Variants in MPRIP observed in about 807,000 individuals in gnomAD.
The protein encoded by MPRIP is myosin phosphatase Rho interacting protein, also known as myosin phosphatase Rho-interacting protein.
MPRIP carries 59 observed loss-of-function variants against 234.9 expected under a neutral mutation model. The ratio of observed to expected loss-of-function variants is 0.25; its 90% CI spans 0.20 to 0.31. The LOEUF (loss-of-function observed/expected upper bound fraction) is 0.31. MPRIP is among the 10% of genes least tolerant of loss of function. MPRIP has a pLI of 1.00. For synonymous variants in MPRIP, 1,144 were observed against 1,263.9 expected (o/e 0.91, Z 2.01); for missense variants, 2,436 against 3,071.0 (o/e 0.79, Z 4.89).
At chr17:17,089,370 C>G (rs954270103) in intron 3 of MPRIP, among the ~76,000 whole-genome samples, 1 of 152,220 alleles carries the variant, frequency 6.6e-6, no homozygotes, top group Admixed American at 6.5e-5. Flanking sequence ...CTTCCTGTCA[C>G]CACTACAGTC....
At chr17:17,171,612 C>A (rs2144666073) in intron 16 of MPRIP, 106 bp from the exon 17 acceptor site, 4 of 1,417,476 alleles carry the variant, frequency 2.8e-6, no homozygotes, top group South Asian at 1.4e-5. Flanking sequence ...AATGCCCAGT[C>A]ACAGCTGGGC....
At position 17,165,978 on chromosome 17, in the gene MPRIP, G is replaced by C. The variant is rs2045984961; in HGVS notation, c.4387G>C (p.Gly1463Arg). Residue 1463 changes from glycine (G) to arginine (R), a missense_variant, in exon 16 of 24, where the codon GGA (glycine) becomes CGA (arginine). Gly to Arg is a moderately radical substitution (Grantham distance 125, BLOSUM62 -2). Coordinates refer to ENST00000651222, the MANE Select transcript of MPRIP (RefSeq NM_001364716.4). ...GGCCAGGAGGGTTGAAGGGCATGTT[G>C]GAGAGCTTGGGGACTTCCAGGTCAA... ...ERARRVEGHV[G>R]ELGDFQVKNS... 2 of 1,304,334 alleles carry C rather than the reference G, an allele frequency of 1.5e-6. No individual in the cohort carries two copies. The highest frequency in any genetic ancestry group is 2.0e-6 in the Non-Finnish European group (2 of 988,944). 80.8% of individuals were successfully genotyped at this position (1,304,334 alleles called of 1,614,324 possible).
intron 3 of MPRIP, among the ~76,000 whole-genome samples, chr17:17,114,911 G>C (rs1366113324): frequency 6.6e-6 from 1 of 152,196 alleles, no homozygotes; most frequent in African/African-American, 2.4e-5. Context: ...AAGTGAAAAA[G>C]GTCCTTGTTT....
chr17:17,158,721 C>T lies in MPRIP; in HGVS notation c.2119C>T (p.Arg707Trp), dbSNP rs780945846. Residue 707 changes from arginine (R) to tryptophan (W), a missense_variant, in exon 14 of 24, where the codon CGG becomes TGG. This residue lies in a region of MPRIP where 1,998 missense variants were observed against 2,520.3 expected (regional missense o/e 0.79). Coordinates refer to ENST00000651222, the MANE Select transcript of MPRIP (RefSeq NM_001364716.4). ...GCTGGAGCGGGAGCGTGCACGGAGGCGGGAGGAGCGCCGCAAGCGCTTCGG... is the reference window on the plus strand; with the variant it reads ...GCTGGAGCGGGAGCGTGCACGGAGGTGGGAGGAGCGCCGCAAGCGCTTCGG... Reference protein sequence around the residue: ...GELERERARRREERRKRFGML... With the variant: ...GELERERARRWEERRKRFGML... The T allele has an allele frequency of 4.3e-6, 7 of 1,610,320 alleles. No homozygotes were observed. Among genetic ancestry groups the T allele is most frequent in the Admixed American group, 1.7e-5 (1 of 59,970 alleles).
Position 17,142,284 on chromosome 17 carries a change from C to T in MPRIP, c.1251-343C>T, listed in dbSNP as rs544333112. 4.2e-4 allele frequency: 98 copies of T among 235,850 alleles called. 2 individuals carry two copies. The South Asian group carries it at 6.6e-3, about 16-fold the overall frequency. 14.6% of individuals were successfully genotyped at this position (235,850 alleles called of 1,614,324 possible). On this transcript the variant is annotated intron_variant, in intron 7 of 23. Transcript: ENST00000651222. ...ATGAGGGATGCAATGAGAATGGAGG[C>T]TGCCTTCCGTGGTGGTGGTTGCCTT...
chr17:17,161,265 C>T lies in MPRIP; in HGVS notation c.2426C>T (p.Ser809Leu). The T allele has an allele frequency of 6.2e-7, 1 of 1,603,088 alleles. No individual in the cohort carries two copies. Among genetic ancestry groups the T allele is most frequent in the South Asian group, 1.1e-5 (1 of 90,068 alleles). ...KELEQSQKEASDLLEQNRLLQ... is the reference protein window; with the variant it reads ...KELEQSQKEALDLLEQNRLLQ... ...CTGGAGCAGAGCCAGAAGGAGGCCTCAGACCTTCTGGAGCAGAACCGGCTC... is the reference window on the plus strand; with the variant it reads ...CTGGAGCAGAGCCAGAAGGAGGCCTTAGACCTTCTGGAGCAGAACCGGCTC... Residue 809 changes from serine (S) to leucine (L), a missense_variant, in exon 15 of 24, where the codon TCA (serine) becomes TTA (leucine). Ser to Leu is a moderately radical substitution (Grantham distance 145). Transcript: ENST00000651222.
In MPRIP at chr17:17,190,473, T is replaced by A. The variant is rs2046565066; in HGVS notation, c.*5579T>A. On this transcript the variant is annotated 3_prime_UTR_variant, in exon 24 of 24. Coordinates refer to ENST00000651222, the MANE Select transcript of MPRIP (RefSeq NM_001364716.4). ...AGAACCAGCCTGAGCTGAAGGCTAG[T>A]AATACCGTGCTGTAGGCTCTTTAAA... 6.6e-6 allele frequency: 1 copy of A among 152,244 alleles called. No individual in the cohort carries two copies. The highest frequency in any genetic ancestry group is 1.5e-5 in the Non-Finnish European group (1 of 68,052). The allele number at this position is 152,244 out of a possible 1,614,324, so 9.4% of individuals were successfully genotyped here. A position where few individuals can be genotyped will look rare whatever the true frequency, so the allele number is the denominator to read the frequency against.
intron 1 of MPRIP, chr17:17,057,976 A>G: frequency 2.3e-6 from 1 of 426,848 alleles, no homozygotes; most frequent in Non-Finnish European, 4.2e-6. Flanking sequence ...AAGAAAGAGA[A>G]CACTGACATC....
intron 1 of MPRIP, among the ~76,000 whole-genome samples, chr17:17,047,878 G>GCTGCATAGCCTC: frequency 6.6e-6 from 1 of 152,260 alleles, no homozygotes; most frequent in Middle Eastern, 3.4e-3. Flanking sequence ...CACTCAGGAG[G>GCTGCATAGCCTC]CTGCATAGAG....
intron 23 of MPRIP, chr17:17,180,803 G>C: frequency 2.2e-6 from 2 of 917,156 alleles, no homozygotes; most frequent in Non-Finnish European, 3.4e-6. Flanking sequence ...TCTTTAACCT[G>C]CTCTGGGGAG....
At position 17,132,449 on chromosome 17, in the gene MPRIP, C is replaced by T. The variant is rs1382666641; in HGVS notation, c.504+748C>T. On this transcript the variant is annotated intron_variant, in intron 5 of 23. Transcript: ENST00000651222. Reference sequence around the variant, plus strand: ...GGTTCTCAGTAAATGTAATTCCTTTCCCTCTGTACCATACGCTACTCTTCC... The same window carrying T: ...GGTTCTCAGTAAATGTAATTCCTTTTCCTCTGTACCATACGCTACTCTTCC... Among the ~76,000 whole-genome samples the T allele has an allele frequency of 2.0e-5, 3 of 152,234 alleles. No homozygotes were observed. In the East Asian group the frequency reaches 5.8e-4, roughly 29 times the overall value.
At chr17:17,100,317 G>A (rs2089934291) in intron 3 of MPRIP, among the ~76,000 whole-genome samples, 1 of 152,174 alleles carries the variant, frequency 6.6e-6, no homozygotes, top group African/African-American at 2.4e-5. Flanking sequence ...AGGGTACAGA[G>A]GCCAGACTCA....
rs866742657 is a variant in MPRIP at position 17,190,361 on chromosome 17, G to A, written c.*5467G>A. Reference sequence around the variant, plus strand: ...AGCCACCCCTTAGAGGGGGCTCTTCGTTTTACCTTTGTACAGTTCTTGTGT... The same window carrying A: ...AGCCACCCCTTAGAGGGGGCTCTTCATTTTACCTTTGTACAGTTCTTGTGT... On this transcript the variant is annotated 3_prime_UTR_variant, in exon 24 of 24. Coordinates refer to ENST00000651222, the MANE Select transcript of MPRIP (RefSeq NM_001364716.4). The A allele has an allele frequency of 3.6e-4, 55 of 152,356 alleles. No individual in the cohort carries two copies. The highest frequency in any genetic ancestry group is 1.2e-3 in the African/African-American group (49 of 41,580). 9.4% of individuals were successfully genotyped at this position (152,356 alleles called of 1,614,324 possible). A position where few individuals can be genotyped will look rare whatever the true frequency, so the allele number is the denominator to read the frequency against.
At chr17:17,098,967 AG>A (rs1443845106) in intron 3 of MPRIP, among the ~76,000 whole-genome samples, 2 of 152,168 alleles carry the variant, frequency 1.3e-5, no homozygotes, top group African/African-American at 2.4e-5. Flanking sequence ...TTCCAAAAGC[AG>A]GGGGTAGTGG....
intron 1 of MPRIP, among the ~76,000 whole-genome samples, chr17:17,063,174 C>T (rs1440019179): frequency 1.3e-5 from 2 of 152,200 alleles, no homozygotes; most frequent in Non-Finnish European, 2.9e-5. Context: ...TTGCCCAGGT[C>T]TTGGCTGGGA....
intron 3 of MPRIP, among the ~76,000 whole-genome samples, chr17:17,108,339 C>T (rs776641849): frequency 2.0e-5 from 3 of 152,206 alleles, no homozygotes; most frequent in Non-Finnish European, 4.4e-5. Flanking sequence ...AGCTGGGTGG[C>T]CAGCCTGGGA....
At chr17:17,115,209 G>T (rs1370823532) in intron 3 of MPRIP, among the ~76,000 whole-genome samples, 2 of 152,270 alleles carry the variant, frequency 1.3e-5, no homozygotes, top group Non-Finnish European at 2.9e-5. Context: ...GCCTACTTGG[G>T]ATGGGAGCGG....
intron 3 of MPRIP, among the ~76,000 whole-genome samples, chr17:17,106,384 A>G (rs943583307): frequency 2.6e-5 from 4 of 152,234 alleles, no homozygotes; most frequent in African/African-American, 7.2e-5. Flanking sequence ...AGGCAGCAGC[A>G]GGAACACACC....
intron 3 of MPRIP, among the ~76,000 whole-genome samples, chr17:17,087,295 C>T (rs569365777): frequency 4.9e-4 from 75 of 152,266 alleles, no homozygotes; most frequent in South Asian, 1.9e-3. Context: ...GATCTCCTGT[C>T]CCGACTTAGA....
Sources: allele counts gnomAD v4.1 joint callset (sites outside exome capture counted in the v4.1 genomes callset), GRCh38; gene constraint gnomAD v4.1.1; regional missense constraint gnomAD v4.1.1; transcripts MANE v1.5; gene names NCBI Gene and HGNC (gene_info 2026-07-23, HGNC 2026-07-21).